GUCY1B1: variants seen among roughly 807,000 people sequenced by gnomAD.
GUCY1B1 encodes guanylate cyclase soluble subunit beta-1.
Under a neutral mutation model 71.0 loss-of-function variants are expected in GUCY1B1, and 43 were observed. That is an observed-to-expected ratio of 0.61 (90% CI 0.47 to 0.78). GUCY1B1 has a LOEUF of 0.78. GUCY1B1 is among the 30% of genes least tolerant of loss of function. GUCY1B1 has a pLI of 0.00. For synonymous variants in GUCY1B1, 266 were observed against 259.7 expected (o/e 1.02, Z -0.23); for missense variants, 535 against 754.1 (o/e 0.71, Z 3.40).
intron 3 of GUCY1B1, among the ~76,000 whole-genome samples, chr4:155,776,593 C>G (rs931039485): frequency 6.6e-6 from 1 of 151,858 alleles, no homozygotes. Context: ...TGGCCTGAAC[C>G]CGGGAGGTGG....
rs899727891 is a variant in GUCY1B1, at chr4:155,759,038, C to G, written c.-103C>G. ...CTGTTCTCGCTCCAGCTCGATGCTGCCTCCCCGGCCCGGTTGCGCTGTAGC... is the reference window on the plus strand; with the variant it reads ...CTGTTCTCGCTCCAGCTCGATGCTGGCTCCCCGGCCCGGTTGCGCTGTAGC... On this transcript the variant is annotated 5_prime_UTR_variant, in exon 1 of 14. Transcript: ENST00000264424. 3.2e-6 allele frequency: 4 copies of G among 1,257,760 alleles called. No homozygotes were observed. Among genetic ancestry groups the G allele is most frequent in the Non-Finnish European group, 4.5e-6 (4 of 886,576 alleles). 77.9% of individuals were successfully genotyped at this position (1,257,760 alleles called of 1,614,324 possible).
chr4:155,766,545 C>T (rs1002978104), intron 2 of GUCY1B1, among the ~76,000 whole-genome samples: 1 of 151,996 alleles, frequency 6.6e-6, no homozygotes, highest in Admixed American at 6.6e-5. Flanking sequence ...CATTGCTGTG[C>T]CAAATAAACA....
At chr4:155,803,469 G>T (rs1301542962) in intron 10 of GUCY1B1, among the ~76,000 whole-genome samples, 155 bp from the exon 11 acceptor site, 1 of 152,202 alleles carries the variant, frequency 6.6e-6, no homozygotes, top group African/African-American at 2.4e-5. Context: ...GTTTCATTTT[G>T]TTGGAGTTGA....
chr4:155,790,542 G>C (rs538945960), intron 5 of GUCY1B1, among the ~76,000 whole-genome samples: 1 of 152,216 alleles, frequency 6.6e-6, no homozygotes, highest in South Asian at 2.1e-4. Context: ...CTTTACCTCT[G>C]GCCCTTACGG....
chr4:155,779,543 T>C (rs1054516405), intron 4 of GUCY1B1, among the ~76,000 whole-genome samples: 2 of 152,138 alleles, frequency 1.3e-5, no homozygotes, highest in African/African-American at 4.8e-5. Context: ...GAGTGAAAAA[T>C]GAAGAAACTA....
intron 4 of GUCY1B1, among the ~76,000 whole-genome samples, chr4:155,787,728 A>T (rs1282369053): frequency 6.6e-6 from 1 of 152,194 alleles, no homozygotes; most frequent in Non-Finnish European, 1.5e-5. Context: ...GATTGAGTGG[A>T]TGTGTGGAAG....
In GUCY1B1 at chr4:155,782,075, T is replaced by TATA. The variant is rs1482325958; in HGVS notation, c.297+4435_297+4436insAAT. Among the ~76,000 whole-genome samples, 27 of 151,714 alleles carry TATA rather than the reference T, an allele frequency of 1.8e-4. No individual in the cohort carries two copies. In the East Asian group the frequency reaches 4.5e-3, roughly 25 times the overall value. The stretch of plus-strand genomic sequence containing the variant: ...TCTTTTTTTGCGTTTTTTAATGTTT[T>TATA]ATTATTATTATTATTATTGAGACGG... On this transcript the variant is annotated intron_variant, in intron 4 of 13. Transcript: ENST00000264424.
intron 4 of GUCY1B1, among the ~76,000 whole-genome samples, chr4:155,780,751 A>G (rs1035904809): frequency 6.9e-6 from 1 of 144,616 alleles, no homozygotes; most frequent in South Asian, 2.3e-4. Context: ...AATTTTTTTT[A>G]CGGATGAATC....
At position 155,804,503 on chromosome 4, in the gene GUCY1B1, C is replaced by G; in HGVS notation, c.1555-90C>G. The G allele has an allele frequency of 7.1e-6, 7 of 983,026 alleles. No individual in the cohort carries two copies. In the South Asian group the frequency reaches 1.1e-4, roughly 15 times the overall value. 60.9% of individuals were successfully genotyped at this position (983,026 alleles called of 1,614,324 possible). Reference sequence around the variant, plus strand: ...ATGTAACAAACCTGCACCTTCTGCACCTGTATGCCAGAACTTAAAGTAAAA... The same window carrying G: ...ATGTAACAAACCTGCACCTTCTGCAGCTGTATGCCAGAACTTAAAGTAAAA... On this transcript the variant is annotated intron_variant, in intron 11 of 13. Coordinates refer to ENST00000264424, the MANE Select transcript of GUCY1B1 (RefSeq NM_000857.5).
chr4:155,785,945 T>C (rs982522169), intron 4 of GUCY1B1, among the ~76,000 whole-genome samples: 1 of 152,060 alleles, frequency 6.6e-6, no homozygotes, highest in Non-Finnish European at 1.5e-5. Flanking sequence ...ACAGAAAAGG[T>C]GAACATTCTC....
At chr4:155,791,932 C>T (rs1225704207) in intron 5 of GUCY1B1, among the ~76,000 whole-genome samples, 1 of 152,022 alleles carries the variant, frequency 6.6e-6, no homozygotes, top group African/African-American at 2.4e-5. Flanking sequence ...ACTACTATTA[C>T]TGTGGTATTA....
chr4:155,802,935 A>G lies in GUCY1B1; in HGVS notation c.1413+356A>G, dbSNP rs1368973044. Among the ~76,000 whole-genome samples, 1 of 152,352 alleles carries G rather than the reference A, an allele frequency of 6.6e-6. No homozygotes were observed. The highest frequency in any genetic ancestry group is 1.5e-5 in the Non-Finnish European group (1 of 68,034). On this transcript the variant is annotated intron_variant, in intron 10 of 13. Coordinates refer to ENST00000264424, the MANE Select transcript of GUCY1B1 (RefSeq NM_000857.5). This position sits in a 1 kb window ranked among gnomAD's most constrained non-coding sequence, Gnocchi z 4.3. ...GCAAGAGACATTTTTACTGAGATATATAAATGCTTTGTACAGTAAAGAAGT... is the reference window on the plus strand; with the variant it reads ...GCAAGAGACATTTTTACTGAGATATGTAAATGCTTTGTACAGTAAAGAAGT...
intron 2 of GUCY1B1, among the ~76,000 whole-genome samples, chr4:155,770,241 A>G (rs1458725370): frequency 6.6e-6 from 1 of 152,128 alleles, no homozygotes; most frequent in Non-Finnish European, 1.5e-5. Context: ...GGTAGCAGAT[A>G]AAAAAACAGC....
At chr4:155,786,692 C>T (rs1445940930) in intron 4 of GUCY1B1, among the ~76,000 whole-genome samples, 1 of 151,750 alleles carries the variant, frequency 6.6e-6, no homozygotes, top group Non-Finnish European at 1.5e-5. Flanking sequence ...CCAGGATGGT[C>T]TTGATCTCCT....
intron 8 of GUCY1B1, among the ~76,000 whole-genome samples, chr4:155,797,275 G>T (rs1020711048): frequency 6.6e-6 from 1 of 152,144 alleles, no homozygotes. Flanking sequence ...AAGAAGGCAT[G>T]TTTTGGTGAG....
chr4:155,773,864 T>C (rs1737854985), intron 2 of GUCY1B1, among the ~76,000 whole-genome samples: 1 of 152,182 alleles, frequency 6.6e-6, no homozygotes, highest in Non-Finnish European at 1.5e-5. Flanking sequence ...ATTTTTTGTA[T>C]TTTTAGCAGA....
intron 8 of GUCY1B1, among the ~76,000 whole-genome samples, chr4:155,799,221 A>C (rs1276200949): frequency 6.6e-6 from 1 of 152,208 alleles, no homozygotes; most frequent in East Asian, 1.9e-4. Context: ...TTGTTGGAAA[A>C]ATGACACAAG....
At chr4:155,759,756 C>T in intron 1 of GUCY1B1, 31 bp from the exon 2 acceptor site, 1 of 1,569,598 alleles carries the variant, frequency 6.4e-7, no homozygotes, top group Non-Finnish European at 8.8e-7. Flanking sequence ...CAGCGGGTCC[C>T]TGACGCTCAA....
At chr4:155,759,985 G>A (rs1253632582) in intron 2 of GUCY1B1, 125 bp downstream of exon 2, 7 of 639,318 alleles carry the variant, frequency 1.1e-5, no homozygotes, top group African/African-American at 5.7e-5. Flanking sequence ...GTGCCTCCGC[G>A]CCTCGCTCCC....
Sources: allele counts gnomAD v4.1 joint callset (sites outside exome capture counted in the v4.1 genomes callset), GRCh38; gene constraint gnomAD v4.1.1; non-coding constraint Gnocchi (gnomAD v3.1); transcripts MANE v1.5; gene names NCBI Gene and HGNC (gene_info 2026-07-23, HGNC 2026-07-21).